The following MKNK2 variants were observed in gnomAD, a reference collection of about 807,000 sequenced individuals.
MKNK2 encodes MAP kinase-interacting serine/threonine-protein kinase 2.
A neutral mutation model predicts 55.0 loss-of-function variants in MKNK2; 54 were observed. The ratio of observed to expected loss-of-function variants is 0.98; its 90% CI spans 0.79 to 1.23. The LOEUF is 1.23. Ranked by LOEUF, MKNK2 falls within the 50% of genes most tolerant of loss-of-function variation. MKNK2 has a pLI of 0.00. For missense variants in MKNK2, 685 were observed against 632.1 expected (o/e 1.08, Z -0.90); for synonymous variants, 323 against 256.0 (o/e 1.26, Z -2.50).
At chr19:2,047,140 C>T (rs1185955821) in intron 2 of MKNK2, among the ~76,000 whole-genome samples, 5 of 152,156 alleles carry the variant, frequency 3.3e-5, no homozygotes, top group African/African-American at 7.2e-5. Flanking sequence ...GATCAGGGGA[C>T]GCAGAGTCTC....
chr19:2,042,407 C>T lies in MKNK2; in HGVS notation c.750+20G>A, dbSNP rs1317388739. The T allele has an allele frequency of 6.4e-7, 1 of 1,556,188 alleles. No individual in the cohort carries two copies. Among genetic ancestry groups the T allele is most frequent in the African/African-American group, 1.4e-5 (1 of 73,890 alleles). ...GCAGAGCAGGCGGCCGAGCCCCCAG[C>T]CCTCCCCGCGGGCCCTCACCGGAGT... On this transcript the variant is annotated intron_variant, in intron 10 of 13. Coordinates refer to ENST00000250896, the MANE Select transcript of MKNK2 (RefSeq NM_199054.3).
chr19:2,037,987 G>A lies in MKNK2; in HGVS notation c.*1626C>T. The A allele has an allele frequency of 7.2e-7, 1 of 1,379,404 alleles. No individual in the cohort carries two copies. Among genetic ancestry groups the A allele is most frequent in the Non-Finnish European group, 9.4e-7 (1 of 1,058,632 alleles). 85.4% of individuals were successfully genotyped at this position (1,379,404 alleles called of 1,614,324 possible). A position where few individuals can be genotyped will look rare whatever the true frequency, so the allele number is the denominator to read the frequency against. ...CCCCGTTACGAAACATGGAATCACT[G>A]ACAGGCGAGAAGTGATGGGGGAAAG... On this transcript the variant is annotated 3_prime_UTR_variant, in exon 14 of 14. Coordinates refer to ENST00000250896, the MANE Select transcript of MKNK2 (RefSeq NM_199054.3).
In MKNK2 at chr19:2,046,087, G is replaced by A. The variant is rs554881929; in HGVS notation, c.339+99C>T. 105 of 1,245,666 alleles carry A rather than the reference G, an allele frequency of 8.4e-5. 1 individual carries two copies. In the East Asian group the frequency reaches 2.3e-3, roughly 27 times the overall value. 77.2% of individuals were successfully genotyped at this position (1,245,666 alleles called of 1,614,324 possible). On this transcript the variant is annotated intron_variant, in intron 5 of 13. Transcript: ENST00000250896. ...GCCACTTTTAGACACGGGTCTTCCCGGCTGTAGGACGGACAGCCGGAATGC... is the reference window on the plus strand; with the variant it reads ...GCCACTTTTAGACACGGGTCTTCCCAGCTGTAGGACGGACAGCCGGAATGC...
At position 2,043,209 on chromosome 19, in the gene MKNK2, GT is replaced by G; in HGVS notation, c.420-13del. On this transcript the variant is annotated splice_polypyrimidine_tract_variant and intron_variant, in intron 6 of 13. Coordinates refer to ENST00000250896, the MANE Select transcript of MKNK2 (RefSeq NM_199054.3). Reference sequence around the variant, plus strand: ...GCTCTAGGACGTTCCTGGGGTGGGGGTGGGGGCAGGAGAGGAGCTGAGGCTT... The same window carrying G: ...GCTCTAGGACGTTCCTGGGGTGGGGGGGGGGCAGGAGAGGAGCTGAGGCTT... The G allele has an allele frequency of 6.2e-7, 1 of 1,603,156 alleles. No individual in the cohort carries two copies.
rs919109829 is a variant in MKNK2, at chr19:2,046,650, G to A, written c.93C>T (p.Pro31=). The A allele has an allele frequency of 2.4e-5, 37 of 1,561,740 alleles. No homozygotes were observed. The highest frequency in any genetic ancestry group is 1.0e-4 in the Admixed American group (5 of 50,020). ...GGCCAAAGTCAGAGTCTCCGTGGTC[G>A]GGCTGGTCTAGGGAGAAGGCCAGCT... ...PFELAFSLDQ[P]DHGDSDFGLQ... Residue 31 remains proline (P), a synonymous_variant, in exon 3 of 14, where the codon CCC becomes CCT. Transcript: ENST00000250896.
chr19:2,041,997 T>C lies in MKNK2; in HGVS notation c.788A>G (p.Glu263Gly). 1 of 1,551,722 alleles carries C rather than the reference T, an allele frequency of 6.4e-7. No individual in the cohort carries two copies. The highest frequency in any genetic ancestry group is 8.7e-7 in the Non-Finnish European group (1 of 1,149,456). Residue 263 changes from glutamate (E) to glycine (G), a missense_variant, in exon 11 of 14, where the codon GAG (glutamate) becomes GGG (glycine). Glu to Gly is a moderately conservative substitution (Grantham distance 98, BLOSUM62 -2). Transcript: ENST00000250896. The part of the protein sequence containing the change: ...SAEYMAPEVV[E>G]AFSEEASIYD... ...GATGCTAGCCTCCTCGCTGAAGGCC[T>C]CCACTACCTCCGGGGCCATGTACTC... is the stretch of plus-strand genomic sequence containing the variant.
intron 10 of MKNK2, 142 bp from the exon 11 acceptor site, chr19:2,042,176 G>A (rs918551804): frequency 9.7e-6 from 8 of 825,950 alleles, no homozygotes; most frequent in African/African-American, 3.7e-5. Flanking sequence ...CCGGGAACGC[G>A]CCCCCGCCCA....
chr19:2,049,186 C>T (rs947610832), intron 2 of MKNK2, among the ~76,000 whole-genome samples: 33 of 152,354 alleles, frequency 2.2e-4, no homozygotes, highest in Admixed American at 1.6e-3. Context: ...CCTCCTCGCC[C>T]GTGTACAGGG....
Position 2,037,906 on chromosome 19 carries a change from CCT to C in MKNK2, c.*1705_*1706del. 6.9e-7 allele frequency: 1 copy of C among 1,441,428 alleles called. No homozygotes were observed. Among genetic ancestry groups the C allele is most frequent in the South Asian group, 1.4e-5 (1 of 69,634 alleles). 89.3% of individuals were successfully genotyped at this position (1,441,428 alleles called of 1,614,324 possible). On this transcript the variant is annotated 3_prime_UTR_variant, in exon 14 of 14. Transcript: ENST00000250896. ...TTTAGAGACCCGATGGCTATGGGCG[CCT>C]GCAGCGGGCGGGGGTCCATTTGCTT...
intron 2 of MKNK2, among the ~76,000 whole-genome samples, chr19:2,046,898 C>T (rs556484953): frequency 6.6e-6 from 1 of 152,324 alleles, no homozygotes; most frequent in South Asian, 2.1e-4. Context: ...AACCAGGGGA[C>T]CCCCAAGCTC....
Position 2,039,426 on chromosome 19 carries a change from T to C in MKNK2, c.*187A>G, listed in dbSNP as rs1291769688. On this transcript the variant is annotated 3_prime_UTR_variant, in exon 14 of 14. Transcript: ENST00000250896. ...CAAAGGAAAAAATAACGGGGAGGGG[T>C]GGAAACAGGAAAAAAAAAACCCAAA... 1.5e-6 allele frequency: 2 copies of C among 1,366,984 alleles called. No homozygotes were observed. Among genetic ancestry groups the C allele is most frequent in the Non-Finnish European group, 1.9e-6 (2 of 1,062,640 alleles). The allele number at this position is 1,366,984 out of a possible 1,614,324, so 84.7% of individuals were successfully genotyped here.
chr19:2,049,872 C>T (rs1228897238), intron 2 of MKNK2, among the ~76,000 whole-genome samples: 1 of 152,130 alleles, frequency 6.6e-6, no homozygotes, highest in African/African-American at 2.4e-5. Flanking sequence ...CTCCTCCCAC[C>T]CTGGAGCACC....
chr19:2,038,665 G>A lies in MKNK2; in HGVS notation c.*948C>T. On this transcript the variant is annotated 3_prime_UTR_variant, in exon 14 of 14. Transcript: ENST00000250896. ...ACGGAGCTTCCAGGTCAGGCCCGAG[G>A]GGCGGCGCGAGGCAGGACGTGGCTA... 2 of 985,732 alleles carry A rather than the reference G, an allele frequency of 2.0e-6. No individual in the cohort carries two copies. The highest frequency in any genetic ancestry group is 2.4e-6 in the Non-Finnish European group (2 of 830,132). The allele number at this position is 985,732 out of a possible 1,614,324, so 61.1% of individuals were successfully genotyped here. A position where few individuals can be genotyped will look rare whatever the true frequency, so the allele number is the denominator to read the frequency against.
intron 10 of MKNK2, 139 bp from the exon 11 acceptor site, chr19:2,042,173 C>G: frequency 2.3e-6 from 2 of 851,138 alleles, no homozygotes; most frequent in South Asian, 3.9e-5. Context: ...CTGCCGGGAA[C>G]GCGCCCCCGC....
At position 2,039,305 on chromosome 19, in the gene MKNK2, A is replaced by G. The variant is rs890709763; in HGVS notation, c.*308T>C. On this transcript the variant is annotated 3_prime_UTR_variant, in exon 14 of 14. Coordinates refer to ENST00000250896, the MANE Select transcript of MKNK2 (RefSeq NM_199054.3). ...ACAGGTGACCTGGGGGCACCTTCAT[A>G]GTAGAGGTGAGCAGGGCGGGGGACC... is the stretch of plus-strand genomic sequence containing the variant. 30 of 1,239,310 alleles carry G rather than the reference A, an allele frequency of 2.4e-5. No individual in the cohort carries two copies. Among genetic ancestry groups the G allele is most frequent in the Non-Finnish European group, 3.0e-5 (30 of 984,634 alleles). 76.8% of individuals were successfully genotyped at this position (1,239,310 alleles called of 1,614,324 possible).
Position 2,038,183 on chromosome 19 carries a change from C to T in MKNK2, c.*1430G>A, listed in dbSNP as rs1159551440. 4 of 1,015,252 alleles carry T rather than the reference C, an allele frequency of 3.9e-6. No homozygotes were observed. The highest frequency in any genetic ancestry group is 4.7e-6 in the Non-Finnish European group (4 of 850,780). The allele number at this position is 1,015,252 out of a possible 1,614,324, so 62.9% of individuals were successfully genotyped here. A position where few individuals can be genotyped will look rare whatever the true frequency, so the allele number is the denominator to read the frequency against. On this transcript the variant is annotated 3_prime_UTR_variant, in exon 14 of 14. Coordinates refer to ENST00000250896, the MANE Select transcript of MKNK2 (RefSeq NM_199054.3). Reference sequence around the variant, plus strand: ...AGGCAGACGGTCTCCGAGGCCCCCACCCCCAGGCCCCCCGACATTCAAGTA... The same window carrying T: ...AGGCAGACGGTCTCCGAGGCCCCCATCCCCAGGCCCCCCGACATTCAAGTA...
At chr19:2,043,970 C>T (rs1351347533) in intron 5 of MKNK2, among the ~76,000 whole-genome samples, 1 of 108,712 alleles carries the variant, frequency 9.2e-6, no homozygotes, top group African/African-American at 4.0e-5. Flanking sequence ...AGTGAGACTT[C>T]GCCTCAAAAA....
rs1045241603 is a variant in MKNK2 at position 2,038,299 on chromosome 19, G to A, written c.*1314C>T. 6 of 986,596 alleles carry A rather than the reference G, an allele frequency of 6.1e-6. No individual in the cohort carries two copies. Among genetic ancestry groups the A allele is most frequent in the African/African-American group, 3.5e-5 (2 of 57,138 alleles). 61.1% of individuals were successfully genotyped at this position (986,596 alleles called of 1,614,324 possible). On this transcript the variant is annotated 3_prime_UTR_variant, in exon 14 of 14. Transcript: ENST00000250896. ...CTAAACAGGAGGAAGAATCCCGACC[G>A]CGGATTTAGAAGCCAGAGGGGCTGC...
At position 2,039,357 on chromosome 19, in the gene MKNK2, C is replaced by T. The variant is rs1403020751; in HGVS notation, c.*256G>A. The T allele has an allele frequency of 2.9e-6, 4 of 1,367,456 alleles. No homozygotes were observed. The African/African-American group carries it at 5.8e-5, about 20-fold the overall frequency. The allele number at this position is 1,367,456 out of a possible 1,614,324, so 84.7% of individuals were successfully genotyped here. ...GGGAGGGGACAAGCCCACCCACCTA[C>T]CCTCTGCTCACCTTCCCGGGTGCCT... On this transcript the variant is annotated 3_prime_UTR_variant, in exon 14 of 14. Coordinates refer to ENST00000250896, the MANE Select transcript of MKNK2 (RefSeq NM_199054.3).
Sources: allele counts gnomAD v4.1 joint callset (sites outside exome capture counted in the v4.1 genomes callset), GRCh38; gene constraint gnomAD v4.1.1; transcripts MANE v1.5; gene names NCBI Gene and HGNC (gene_info 2026-07-23, HGNC 2026-07-21).